Variants in SGCZ observed in about 807,000 individuals in gnomAD.
The protein encoded by SGCZ is sarcoglycan zeta.
A neutral mutation model predicts 41.3 loss-of-function variants in SGCZ; 40 were observed. The observed-to-expected ratio is 0.97, with a 90% confidence interval of 0.75 to 1.26. The LOEUF (loss-of-function observed/expected upper bound fraction) is 1.26, where lower values mean the gene tolerates loss of function less well. Among genes scored for constraint, SGCZ ranks in the 50% most tolerant of loss-of-function variants. The pLI is 0.00. For missense variants in SGCZ, 552 were observed against 369.8 expected, an observed-to-expected ratio of 1.49 and a Z score of -4.04; for synonymous variants, 206 against 137.5, an observed-to-expected ratio of 1.50 and a Z score of -3.49.
At chr8:14,353,552 T>C (rs1002660213) in intron 2 of SGCZ, among the ~76,000 whole-genome samples, 1 of 152,140 alleles carries the variant, frequency 6.6e-6, no homozygotes, top group African/African-American at 2.4e-5. Flanking sequence ...TGCGAATGGA[T>C]AGGTACTAAT....
Position 14,784,913 on chromosome 8 carries a change from A to AT in SGCZ, c.40-229988_40-229987insA, listed in dbSNP as rs1554499019. 2.7e-3 allele frequency among the ~76,000 whole-genome samples: 242 copies of AT among 88,018 alleles called. 6 individuals carry two copies. Among genetic ancestry groups the AT allele is most frequent in the East Asian group, 5.9e-3 (14 of 2,382 alleles). 57.7% of individuals were successfully genotyped at this position (88,018 alleles called of 152,430 possible). ...GTGAAACTCTGCCTCAAAAAAAAAA[A>AT]ATATATATATATATATATATAAAAT... On this transcript the variant is annotated intron_variant, in intron 1 of 7. Coordinates refer to ENST00000382080, the MANE Select transcript of SGCZ (RefSeq NM_139167.4).
intron 5 of SGCZ, among the ~76,000 whole-genome samples, chr8:14,133,583 C>T (rs1803105751): frequency 6.6e-6 from 1 of 152,116 alleles, no homozygotes; most frequent in Non-Finnish European, 1.5e-5. Context: ...TGAAGACTGC[C>T]ATAGAGCCAG....
chr8:15,083,082 T>C (rs1805814648), intron 1 of SGCZ, among the ~76,000 whole-genome samples: 1 of 152,184 alleles, frequency 6.6e-6, no homozygotes, highest in Admixed American at 6.5e-5. Flanking sequence ...AAATGAAATA[T>C]CTACCAGTAC....
chr8:14,645,659 C>G (rs1218442056), intron 1 of SGCZ, among the ~76,000 whole-genome samples: 1 of 151,198 alleles, frequency 6.6e-6, no homozygotes, highest in Non-Finnish European at 1.5e-5. Flanking sequence ...CTATTATACC[C>G]CATACGCACC....
intron 1 of SGCZ, among the ~76,000 whole-genome samples, chr8:14,833,672 T>A (rs1254320862): frequency 6.6e-6 from 1 of 152,146 alleles, no homozygotes; most frequent in African/African-American, 2.4e-5. Context: ...AGGAAGGGGT[T>A]CCCTCAGGGA....
chr8:14,520,912 G>C (rs1478767242), intron 2 of SGCZ, among the ~76,000 whole-genome samples: 1 of 152,108 alleles, frequency 6.6e-6, no homozygotes, highest in African/African-American at 2.4e-5. Context: ...GTTTGCATTT[G>C]CTATAAACTT....
chr8:14,288,151 C>A (rs905717823), intron 3 of SGCZ, among the ~76,000 whole-genome samples: 2 of 152,064 alleles, frequency 1.3e-5, no homozygotes, highest in African/African-American at 4.8e-5. Context: ...TTGAGAAAAT[C>A]TTTTACTTCT....
chr8:15,169,698 A>G (rs1478231673), intron 1 of SGCZ, among the ~76,000 whole-genome samples: 1 of 152,194 alleles, frequency 6.6e-6, no homozygotes, highest in South Asian at 2.1e-4. Flanking sequence ...CAGGTTGCAC[A>G]CTGCTCATTT....
intron 4 of SGCZ, among the ~76,000 whole-genome samples, chr8:14,215,500 A>T (rs1209911514): frequency 1.1e-5 from 1 of 90,214 alleles, no homozygotes; most frequent in African/African-American, 2.8e-5. Flanking sequence ...AGGCAGAAAG[A>T]AAAAAAAAGA....
At chr8:14,111,170 T>C (rs553841846) in intron 5 of SGCZ, among the ~76,000 whole-genome samples, 1 of 152,310 alleles carries the variant, frequency 6.6e-6, no homozygotes, top group East Asian at 1.9e-4. Flanking sequence ...ATTAATAATA[T>C]ATGACACTGA....
intron 2 of SGCZ, among the ~76,000 whole-genome samples, chr8:14,541,235 C>A (rs1233855939): frequency 6.6e-6 from 1 of 151,900 alleles, no homozygotes; most frequent in Non-Finnish European, 1.5e-5. Context: ...CTGCACCTAT[C>A]AACCCAAGAT....
Position 14,784,208 on chromosome 8 carries a change from G to A in SGCZ, c.40-229282C>T, listed in dbSNP as rs117815926. Among the ~76,000 whole-genome samples the A allele has an allele frequency of 6.7e-3, 824 of 123,674 alleles. 5 individuals carry two copies. The highest frequency in any genetic ancestry group is 0.011 in the Non-Finnish European group (558 of 52,682). 81.1% of individuals were successfully genotyped at this position (123,674 alleles called of 152,430 possible). The stretch of plus-strand genomic sequence containing the variant: ...AGGGAACACAGGCACATGCCACCGA[G>A]CCTGGCTAATTTTTTTTTATTTTTG... On this transcript the variant is annotated intron_variant, in intron 1 of 7. Coordinates refer to ENST00000382080, the MANE Select transcript of SGCZ (RefSeq NM_139167.4).
chr8:14,145,701 A>T (rs1214536876), intron 5 of SGCZ, among the ~76,000 whole-genome samples: 1 of 152,226 alleles, frequency 6.6e-6, no homozygotes, highest in Admixed American at 6.5e-5. Flanking sequence ...GAAATTCAAG[A>T]TAACACAGAT....
chr8:14,615,081 A>C (rs1806055473), intron 1 of SGCZ, among the ~76,000 whole-genome samples: 1 of 152,168 alleles, frequency 6.6e-6, no homozygotes, highest in Non-Finnish European at 1.5e-5. Flanking sequence ...AACACAATGT[A>C]AAAAACATTT....
chr8:14,140,013 A>G (rs947033902), intron 5 of SGCZ, among the ~76,000 whole-genome samples: 2 of 152,190 alleles, frequency 1.3e-5, no homozygotes, highest in Non-Finnish European at 2.9e-5. Context: ...TATCCCTGGG[A>G]TGCAAGGCTG....
At chr8:14,513,981 G>C (rs1238029656) in intron 2 of SGCZ, among the ~76,000 whole-genome samples, 1 of 152,000 alleles carries the variant, frequency 6.6e-6, no homozygotes, top group Non-Finnish European at 1.5e-5. Context: ...AACCAACTGA[G>C]ATATATTTGC....
At chr8:14,419,819 A>C (rs1477953139) in intron 2 of SGCZ, among the ~76,000 whole-genome samples, 1 of 152,028 alleles carries the variant, frequency 6.6e-6, no homozygotes, top group African/African-American at 2.4e-5. Flanking sequence ...TTTAGTGGAA[A>C]TAAGCATACG....
chr8:14,905,676 G>A (rs753411548), intron 1 of SGCZ, among the ~76,000 whole-genome samples: 2 of 151,794 alleles, frequency 1.3e-5, no homozygotes, highest in Non-Finnish European at 2.9e-5. Context: ...CCCAACCTCC[G>A]AATCCATGTA....
intron 7 of SGCZ, among the ~76,000 whole-genome samples, chr8:14,097,372 C>T (rs958100149): frequency 6.6e-6 from 1 of 152,248 alleles, no homozygotes; most frequent in African/African-American, 2.4e-5. Context: ...CATTCAGGAG[C>T]AGGTTGTTCA....
Sources: allele counts gnomAD v4.1 joint callset (sites outside exome capture counted in the v4.1 genomes callset), GRCh38; gene constraint gnomAD v4.1.1; transcripts MANE v1.5; gene names NCBI Gene and HGNC (gene_info 2026-07-23, HGNC 2026-07-21).